The following PLXNA2 variants were observed in gnomAD, a reference collection of about 807,000 sequenced individuals.
PLXNA2 encodes plexin-A2.
Under a neutral mutation model 193.5 loss-of-function variants are expected in PLXNA2, and 91 were observed. That is an observed-to-expected ratio of 0.47 (90% CI 0.40 to 0.56). PLXNA2 has a LOEUF of 0.56. PLXNA2 is among the 20% of genes least tolerant of loss of function. PLXNA2 has a pLI of 0.00. For synonymous variants in PLXNA2, 997 were observed against 1,027.3 expected, an observed-to-expected ratio of 0.97 and a Z score of 0.56; for missense variants, 1,995 against 2,503.2, an observed-to-expected ratio of 0.80 and a Z score of 4.33.
rs1016075933 is a variant in PLXNA2 at position 208,233,331 on chromosome 1, T to A, written c.-81+10312A>T. 2.0e-5 allele frequency among the ~76,000 whole-genome samples: 3 copies of A among 152,340 alleles called. No individual in the cohort carries two copies. In the South Asian group the frequency reaches 6.2e-4, roughly 32 times the overall value. ...TTTAAAATTTCTTGCAAGGAACGTA[T>A]CTTTTTTTCTTCTCCCAGGTGAAGC... On this transcript the variant is annotated intron_variant, in intron 1 of 31. Coordinates refer to ENST00000367033, the MANE Select transcript of PLXNA2 (RefSeq NM_025179.4).
chr1:208,216,668 G>A (rs1259313691), intron 2 of PLXNA2, 67 bp downstream of exon 2: 1 of 1,532,604 alleles, frequency 6.5e-7, no homozygotes, highest in Non-Finnish European at 8.8e-7. Flanking sequence ...TGTGCCCCAG[G>A]GCATGGACAG....
chr1:208,052,315 A>G lies in PLXNA2; in HGVS notation c.2993+12T>C, dbSNP rs774373441. 6 of 1,611,570 alleles carry G rather than the reference A, an allele frequency of 3.7e-6. No individual in the cohort carries two copies. The highest frequency in any genetic ancestry group is 2.2e-5 in the South Asian group (2 of 90,968). ...TGTGCAGTCTTCTGGTGGCCCTTCAAGTTTATCTCACCCGTAGAACTCGCA... is the reference window on the plus strand; with the variant it reads ...TGTGCAGTCTTCTGGTGGCCCTTCAGGTTTATCTCACCCGTAGAACTCGCA... On this transcript the variant is annotated intron_variant, in intron 15 of 31. Coordinates refer to ENST00000367033, the MANE Select transcript of PLXNA2 (RefSeq NM_025179.4).
Position 208,244,227 on chromosome 1 carries a change from C to A in PLXNA2, c.-665G>T. On this transcript the variant is annotated 5_prime_UTR_variant, in exon 1 of 32. Coordinates refer to ENST00000367033, the MANE Select transcript of PLXNA2 (RefSeq NM_025179.4). The stretch of plus-strand genomic sequence containing the variant: ...CTCGCCCTCTCGGCTGAAAAATTCC[C>A]AGCAACTGCCCTCCGCCGCCCTCCC... 1 of 170,164 alleles carries A rather than the reference C, an allele frequency of 5.9e-6. No individual in the cohort carries two copies. The highest frequency in any genetic ancestry group is 1.2e-4 in the South Asian group (1 of 8,574). The allele number at this position is 170,164 out of a possible 1,614,324, so 10.5% of individuals were successfully genotyped here.
At position 208,034,583 on chromosome 1, in the gene PLXNA2, T is replaced by A. The variant is rs1424555327; in HGVS notation, c.4774A>T (p.Arg1592Trp). Residue 1592 changes from arginine to tryptophan, a missense_variant, in exon 27 of 32, where the codon AGG becomes TGG. By Grantham distance (101) the Arg-to-Trp change is moderately radical. Around this residue, in one of 3 missense-constraint regions of PLXNA2, gnomAD observed 1,291 missense variants for 1,673.6 expected, o/e 0.77. Coordinates refer to ENST00000367033, the MANE Select transcript of PLXNA2 (RefSeq NM_025179.4). The part of the protein sequence containing the change: ...NTLMHYQVSD[R>W]SVVALVPKQT... Reference sequence around the variant, plus strand: ...TTGGGGACCAGAGCCACCACCGACCTGTCTGACACCTGAGAAGGGTACAAA... The same window carrying A: ...TTGGGGACCAGAGCCACCACCGACCAGTCTGACACCTGAGAAGGGTACAAA... 1 of 1,610,540 alleles carries A rather than the reference T, an allele frequency of 6.2e-7. No individual in the cohort carries two copies. Among genetic ancestry groups the A allele is most frequent in the African/African-American group, 1.3e-5 (1 of 74,848 alleles).
At chr1:208,079,186 T>G in intron 12 of PLXNA2, 74 bp downstream of exon 12, 1 of 1,307,630 alleles carries the variant, frequency 7.6e-7, no homozygotes, top group Non-Finnish European at 1.1e-6. Context: ...GAGTCTCAAT[T>G]TGCACTCCTC....
At chr1:208,032,338 G>T (rs1309692880) in intron 28 of PLXNA2, among the ~76,000 whole-genome samples, 1 of 152,188 alleles carries the variant, frequency 6.6e-6, no homozygotes, top group Non-Finnish European at 1.5e-5. Context: ...AATAAGACTG[G>T]GCCTGGCTCC....
intron 3 of PLXNA2, among the ~76,000 whole-genome samples, chr1:208,170,539 G>T (rs1558227250): frequency 6.6e-6 from 1 of 152,210 alleles, no homozygotes; most frequent in Admixed American, 6.5e-5. Flanking sequence ...CATGAGGCTG[G>T]CTAGCAGGCA....
At chr1:208,053,037 G>A (rs1160810644) in intron 14 of PLXNA2, among the ~76,000 whole-genome samples, 5 of 152,154 alleles carry the variant, frequency 3.3e-5, no homozygotes, top group Non-Finnish European at 5.9e-5. Context: ...CACTGGCTGG[G>A]GCTTTCTACT....
intron 1 of PLXNA2, among the ~76,000 whole-genome samples, chr1:208,219,308 G>T (rs554337786): frequency 6.6e-6 from 1 of 152,150 alleles, no homozygotes; most frequent in Non-Finnish European, 1.5e-5. Flanking sequence ...AGGTCAGAGA[G>T]CAGGACCTGG....
At chr1:208,193,940 T>TA (rs975044299) in intron 3 of PLXNA2, among the ~76,000 whole-genome samples, 2 of 152,124 alleles carry the variant, frequency 1.3e-5, no homozygotes, top group Middle Eastern at 3.4e-3. Flanking sequence ...AAAATTTTAT[T>TA]AAAAAAATTT....
At chr1:208,174,440 A>C (rs1227184855) in intron 3 of PLXNA2, among the ~76,000 whole-genome samples, 2 of 151,424 alleles carry the variant, frequency 1.3e-5, no homozygotes, top group South Asian at 4.2e-4. Context: ...AGGGCTGTGG[A>C]GGGAGGGAAG....
intron 12 of PLXNA2, among the ~76,000 whole-genome samples, chr1:208,077,687 G>A (rs938116141): frequency 6.6e-6 from 1 of 152,206 alleles, no homozygotes; most frequent in African/African-American, 2.4e-5. Flanking sequence ...AGCTCAGGAA[G>A]CTAGCTGTCT....
At chr1:208,152,739 A>AG (rs1035599229) in intron 3 of PLXNA2, among the ~76,000 whole-genome samples, 45 of 150,612 alleles carry the variant, frequency 3.0e-4, no homozygotes, top group African/African-American at 1.0e-3. Flanking sequence ...TGTCCCCTTT[A>AG]ATAATTTAGA....
chr1:208,213,806 T>C (rs1671039193), intron 2 of PLXNA2, among the ~76,000 whole-genome samples: 1 of 152,178 alleles, frequency 6.6e-6, no homozygotes, highest in Non-Finnish European at 1.5e-5. Flanking sequence ...CAGAAGGGTG[T>C]GGTGCTGAAG....
chr1:208,204,402 A>G (rs994851825), intron 3 of PLXNA2, among the ~76,000 whole-genome samples: 4 of 152,084 alleles, frequency 2.6e-5, no homozygotes, highest in Non-Finnish European at 5.9e-5. Flanking sequence ...TCCAGCCAAC[A>G]TTTCTGAGAT....
intron 8 of PLXNA2, among the ~76,000 whole-genome samples, chr1:208,094,976 G>C (rs995545633): frequency 6.6e-6 from 1 of 152,212 alleles, no homozygotes; most frequent in Non-Finnish European, 1.5e-5. Context: ...CATGCCCATA[G>C]CTTGGACCCT....
intron 4 of PLXNA2, among the ~76,000 whole-genome samples, chr1:208,107,580 G>A (rs1421130677): frequency 6.6e-6 from 1 of 152,164 alleles, no homozygotes; most frequent in Non-Finnish European, 1.5e-5. Flanking sequence ...GGGTCGGGTG[G>A]GGAGGGAGAT....
At chr1:208,151,051 CA>C (rs2102497420) in intron 3 of PLXNA2, among the ~76,000 whole-genome samples, 1 of 152,310 alleles carries the variant, frequency 6.6e-6, no homozygotes, top group East Asian at 1.9e-4. Context: ...ACGAAGCTGC[CA>C]GGGGCGGAGG....
At chr1:208,228,345 G>A (rs1165966625) in intron 1 of PLXNA2, among the ~76,000 whole-genome samples, 1 of 152,134 alleles carries the variant, frequency 6.6e-6, no homozygotes, top group Non-Finnish European at 1.5e-5. Flanking sequence ...AGAAGCTAGG[G>A]TTCCCAAAAG....
Sources: gnomAD v4.1 joint callset for allele counts (sites outside exome capture counted in the v4.1 genomes callset) on GRCh38, gnomAD v4.1.1 for gene constraint, gnomAD v4.1.1 regional missense constraint, MANE v1.5 for transcripts, NCBI Gene and HGNC (gene_info 2026-07-23, HGNC 2026-07-21) for gene names.